The following PRKN variants were observed in gnomAD, a reference collection of about 807,000 sequenced individuals.
The protein encoded by PRKN is parkin RBR E3 ubiquitin protein ligase.
Under a neutral mutation model 59.5 loss-of-function variants are expected in PRKN, and 56 were observed. That is an observed-to-expected ratio of 0.94 (90% CI 0.76 to 1.18). The LOEUF (loss-of-function observed/expected upper bound fraction) is 1.18. PRKN is among the 50% of genes most tolerant of loss of function. The pLI, the probability that PRKN is intolerant of heterozygous loss-of-function variation, is 0.00. For missense variants in PRKN, 657 were observed against 596.4 expected, an observed-to-expected ratio of 1.10 and a Z score of -1.06; for synonymous variants, 250 against 222.1, an observed-to-expected ratio of 1.13 and a Z score of -1.12.
intron 7 of PRKN, among the ~76,000 whole-genome samples, chr6:161,700,535 T>C (rs149244739): frequency 2.6e-5 from 4 of 152,302 alleles, no homozygotes; most frequent in Non-Finnish European, 2.9e-5. Context: ...TATCAGGTAA[T>C]GGGGTTAGCT....
chr6:161,785,293 G>T (rs1468848098), intron 7 of PRKN, among the ~76,000 whole-genome samples: 1 of 152,194 alleles, frequency 6.6e-6, no homozygotes, highest in African/African-American at 2.4e-5. Context: ...TATAGTACAA[G>T]TAAAGGGTGC....
chr6:162,706,592 C>T (rs1327906229), intron 1 of PRKN, among the ~76,000 whole-genome samples: 1 of 152,178 alleles, frequency 6.6e-6, no homozygotes, highest in East Asian at 1.9e-4. Context: ...CTCATATCCT[C>T]ACTCTAACCT....
chr6:161,652,390 C>T (rs7763253), intron 7 of PRKN, among the ~76,000 whole-genome samples: 75,929 of 151,884 alleles, frequency 0.5, 21,880 homozygotes, highest in African/African-American at 0.81. Flanking sequence ...TGTGGGGAAA[C>T]GGATATGATA....
At chr6:162,549,968 CAAAAAG>C (rs1779272277) in intron 1 of PRKN, among the ~76,000 whole-genome samples, 1 of 151,904 alleles carries the variant, frequency 6.6e-6, no homozygotes, top group African/African-American at 2.4e-5. Context: ...TAATGTAAAA[CAAAAAG>C]AAAAAGCCAC....
chr6:161,885,687 T>C (rs1452413609), intron 6 of PRKN, among the ~76,000 whole-genome samples: 6 of 127,138 alleles, frequency 4.7e-5, no homozygotes, highest in Non-Finnish European at 1.0e-4. Flanking sequence ...AAAAAAAGAA[T>C]GTCTGAGCCC....
chr6:161,476,532 C>G (rs1791091129), intron 9 of PRKN, among the ~76,000 whole-genome samples: 2 of 152,182 alleles, frequency 1.3e-5, no homozygotes, highest in Non-Finnish European at 2.9e-5. Flanking sequence ...GTCTCCAACT[C>G]ACTTTCAAAA....
At chr6:162,296,743 G>T (rs1781694994) in intron 2 of PRKN, among the ~76,000 whole-genome samples, 1 of 152,026 alleles carries the variant, frequency 6.6e-6, no homozygotes, top group Admixed American at 6.6e-5. Flanking sequence ...TTTCTTACTT[G>T]AGGACAAAAA....
intron 1 of PRKN, among the ~76,000 whole-genome samples, chr6:162,641,304 C>T (rs1270532458): frequency 5.6e-5 from 8 of 143,682 alleles, no homozygotes; most frequent in Non-Finnish European, 1.2e-4. Context: ...ATGAGGCCCC[C>T]TCAAAACACA....
intron 1 of PRKN, among the ~76,000 whole-genome samples, chr6:162,609,813 T>G (rs1267521982): frequency 6.6e-6 from 1 of 152,244 alleles, no homozygotes; most frequent in African/African-American, 2.4e-5. Context: ...ACTAGGTTAG[T>G]ACCAGTGATT....
At chr6:162,503,425 G>T (rs1324374341) in intron 1 of PRKN, among the ~76,000 whole-genome samples, 1 of 151,926 alleles carries the variant, frequency 6.6e-6, no homozygotes, top group African/African-American at 2.4e-5. Context: ...CAGCCTCCCA[G>T]AGTGCCGGGA....
chr6:162,238,593 C>T (rs541928650), intron 3 of PRKN, among the ~76,000 whole-genome samples: 134 of 152,234 alleles, frequency 8.8e-4, no homozygotes, highest in African/African-American at 3.0e-3. Flanking sequence ...GAGCCAAGAC[C>T]CTGGGAGTTA....
In PRKN at chr6:161,576,067, A is replaced by G. The variant is rs1396613494; in HGVS notation, c.872-6651T>C. ...GCCAGGTTGATTAGGGTTGCCATAC[A>G]CTGTGCTGAAGTAGCCATTTCTGAA... On this transcript the variant is annotated intron_variant, in intron 7 of 11. Coordinates refer to ENST00000366898, the MANE Select transcript of PRKN (RefSeq NM_004562.3). This position sits in a 1 kb window ranked among gnomAD's most constrained non-coding sequence, Gnocchi z 4.6. Among the ~76,000 whole-genome samples the G allele has an allele frequency of 6.6e-6, 1 of 152,162 alleles. No individual in the cohort carries two copies. The highest frequency in any genetic ancestry group is 6.5e-5 in the Admixed American group (1 of 15,284).
intron 4 of PRKN, among the ~76,000 whole-genome samples, chr6:162,167,346 T>C (rs1236959252): frequency 1.3e-5 from 2 of 152,194 alleles, no homozygotes; most frequent in African/African-American, 4.8e-5. Context: ...CCCTGACGTG[T>C]GCTTGTTAAT....
At chr6:162,080,597 T>G (rs1779016127) in intron 4 of PRKN, among the ~76,000 whole-genome samples, 1 of 152,134 alleles carries the variant, frequency 6.6e-6, no homozygotes, top group Admixed American at 6.6e-5. Context: ...TAAAAAATAC[T>G]TCATTGCTAA....
intron 7 of PRKN, among the ~76,000 whole-genome samples, chr6:161,717,812 A>G (rs1787048518): frequency 6.6e-6 from 1 of 152,164 alleles, no homozygotes; most frequent in Non-Finnish European, 1.5e-5. Context: ...TGGGACTTGG[A>G]TCCTGCCTGA....
intron 2 of PRKN, among the ~76,000 whole-genome samples, chr6:162,432,552 A>T (rs1789590051): frequency 6.6e-6 from 1 of 151,326 alleles, no homozygotes. Context: ...AACAAACAGA[A>T]ACCGACCTTT....
At chr6:161,850,398 T>G (rs1793378180) in intron 6 of PRKN, among the ~76,000 whole-genome samples, 1 of 151,802 alleles carries the variant, frequency 6.6e-6, no homozygotes, top group Admixed American at 6.6e-5. Flanking sequence ...GCCAACATGG[T>G]GAAACCTCAT....
chr6:161,976,239 A>T (rs1781027036), intron 5 of PRKN, among the ~76,000 whole-genome samples: 1 of 152,212 alleles, frequency 6.6e-6, no homozygotes, highest in South Asian at 2.1e-4. Flanking sequence ...TCCCAAAGCC[A>T]GGGATTTGGA....
At chr6:161,539,554 C>T (rs1039753437) in intron 9 of PRKN, among the ~76,000 whole-genome samples, 6 of 80,722 alleles carry the variant, frequency 7.4e-5, no homozygotes, top group Admixed American at 2.1e-4. Context: ...TAAAATTCTA[C>T]CTAATAATAA....
Sources: gnomAD v4.1 joint callset for allele counts (sites outside exome capture counted in the v4.1 genomes callset) on GRCh38, gnomAD v4.1.1 for gene constraint, Gnocchi (gnomAD v3.1) non-coding constraint, MANE v1.5 for transcripts, NCBI Gene and HGNC (gene_info 2026-07-23, HGNC 2026-07-21) for gene names.